MORF4L1: variants seen among roughly 807,000 people sequenced by gnomAD.
MORF4L1 encodes the protein mortality factor 4 like 1.
A neutral mutation model predicts 52.9 loss-of-function variants in MORF4L1; 4 were observed. The ratio of observed to expected loss-of-function variants is 0.08; its 90% CI spans 0.04 to 0.17. MORF4L1 has a LOEUF of 0.17. Ranked by LOEUF, MORF4L1 falls within the 10% of genes least tolerant of loss-of-function variation. The pLI is 1.00. For missense variants in MORF4L1, 214 were observed against 390.4 expected, an observed-to-expected ratio of 0.55 and a Z score of 3.81; for synonymous variants, 123 against 134.8, an observed-to-expected ratio of 0.91 and a Z score of 0.61.
At position 78,886,309 on chromosome 15, in the gene MORF4L1, G is replaced by T. The variant is rs986531533; in HGVS notation, c.242+82G>T. On this transcript the variant is annotated intron_variant, in intron 4 of 11. Coordinates refer to ENST00000426013, the MANE Select transcript of MORF4L1 (RefSeq NM_006791.4). ...ACATGGAATGAACAATGGAGATCAT[G>T]TTGGCTGCCCTGCCTATAAAATGAT... 4.9e-6 allele frequency: 6 copies of T among 1,212,774 alleles called. No homozygotes were observed. In the East Asian group the frequency reaches 7.1e-5, roughly 14 times the overall value. The allele number at this position is 1,212,774 out of a possible 1,614,324, so 75.1% of individuals were successfully genotyped here. A position where few individuals can be genotyped will look rare whatever the true frequency, so the allele number is the denominator to read the frequency against.
chr15:78,895,157 A>G (rs2056866031), intron 11 of MORF4L1, among the ~76,000 whole-genome samples: 1 of 152,244 alleles, frequency 6.6e-6, no homozygotes, highest in Admixed American at 6.5e-5. Flanking sequence ...ACAGTTTGGA[A>G]GAAAACAAAG....
chr15:78,879,204 C>A (rs537448204), intron 2 of MORF4L1, among the ~76,000 whole-genome samples: 1 of 152,238 alleles, frequency 6.6e-6, no homozygotes, highest in South Asian at 2.1e-4. Context: ...GACTCTCTCT[C>A]TCTTTATTTT....
chr15:78,890,834 A>G, intron 5 of MORF4L1, 155 bp from the exon 6 acceptor site: 1 of 643,918 alleles, frequency 1.6e-6, no homozygotes, highest in Non-Finnish European at 2.2e-6. Flanking sequence ...ACCAACTATC[A>G]ATAAAAATCC....
intron 11 of MORF4L1, among the ~76,000 whole-genome samples, chr15:78,896,314 T>C (rs866361417): frequency 0.038 from 4,824 of 128,278 alleles, 132 homozygotes; most frequent in African/African-American, 0.14. Flanking sequence ...TTTTCTTTTT[T>C]TTTTTTTTTT....
intron 4 of MORF4L1, among the ~76,000 whole-genome samples, chr15:78,886,909 C>G (rs1032118837): frequency 6.7e-6 from 1 of 149,466 alleles, no homozygotes; most frequent in African/African-American, 2.5e-5. Flanking sequence ...GAGCGGAGAT[C>G]GCGCCACTGC....
At chr15:78,893,343 T>C (rs1371907455) in intron 8 of MORF4L1, among the ~76,000 whole-genome samples, 196 bp from the exon 9 acceptor site, 1 of 152,144 alleles carries the variant, frequency 6.6e-6, no homozygotes, top group East Asian at 1.9e-4. Flanking sequence ...AGTTGGAAAA[T>C]TAAGTCCAAA....
intron 2 of MORF4L1, 152 bp from the exon 3 acceptor site, chr15:78,880,360 T>G: frequency 1.7e-6 from 1 of 598,288 alleles, no homozygotes; most frequent in East Asian, 3.2e-5. Context: ...ATCTTCAGTT[T>G]TGTAACTTGA....
At chr15:78,894,646 C>A in intron 10 of MORF4L1, 174 bp from the exon 11 acceptor site, 1 of 573,410 alleles carries the variant, frequency 1.7e-6, no homozygotes, top group South Asian at 2.2e-5. Flanking sequence ...TGACCTCAAG[C>A]GATCGCCTAT....
intron 8 of MORF4L1, 77 bp downstream of exon 8, chr15:78,892,390 G>A (rs1956453726): frequency 2.1e-6 from 2 of 943,332 alleles, no homozygotes; most frequent in South Asian, 1.4e-5. Context: ...AAAGGAAAAT[G>A]TTATATTGAC....
In MORF4L1 at chr15:78,892,194, C is replaced by T. The variant is rs552922893; in HGVS notation, c.439-18C>T. 1.3e-6 allele frequency: 2 copies of T among 1,567,518 alleles called. No homozygotes were observed. The highest frequency in any genetic ancestry group is 2.2e-5 in the East Asian group (1 of 44,446). ...CAAGAAAGGTTAGGTTTTTAATACT[C>T]CTCCTGTTTCTGTTTAGGAGGAAAC... On this transcript the variant is annotated intron_variant, in intron 7 of 11. Transcript: ENST00000426013.
intron 6 of MORF4L1, 30 bp downstream of exon 6, chr15:78,891,044 TTA>T (rs762123064): frequency 8.8e-6 from 13 of 1,474,720 alleles, no homozygotes; most frequent in Non-Finnish European, 1.2e-5. Context: ...TAACGTTAAT[TTA>T]TGTTACCTCT....
chr15:78,892,384 GA>G, intron 8 of MORF4L1, 71 bp downstream of exon 8: 1 of 1,035,868 alleles, frequency 9.7e-7, no homozygotes, highest in Non-Finnish European at 1.5e-6. Flanking sequence ...GTTTTTAAAG[GA>G]AAATGTTATA....
chr15:78,883,193 CGACAGA>C (rs2056633616), intron 3 of MORF4L1, among the ~76,000 whole-genome samples: 1 of 133,584 alleles, frequency 7.5e-6, no homozygotes, highest in Admixed American at 8.3e-5. Context: ...CTAGCCTAGG[CGACAGA>C]GTGAGACTCA....
intron 3 of MORF4L1, among the ~76,000 whole-genome samples, chr15:78,881,862 G>C (rs1003966883): frequency 6.6e-6 from 1 of 152,132 alleles, no homozygotes; most frequent in African/African-American, 2.4e-5. Context: ...TTTACTATGG[G>C]ATCAGTGCCA....
At chr15:78,891,227 C>T (rs1414131223) in intron 6 of MORF4L1, 1 of 687,046 alleles carries the variant, frequency 1.5e-6, no homozygotes, top group Non-Finnish European at 2.5e-6. Flanking sequence ...CTGCTTTAGT[C>T]TTAATGTCTC....
In MORF4L1 at chr15:78,891,474, A is replaced by G. The variant is rs1292505579; in HGVS notation, c.350-10A>G. 3 of 1,611,676 alleles carry G rather than the reference A, an allele frequency of 1.9e-6. No homozygotes were observed. The highest frequency in any genetic ancestry group is 1.3e-5 in the African/African-American group (1 of 74,836). ...AGCTAAATGAGACCCCTCCCCGCCA[A>G]CATTTACAGCACCTGGAAATGGAGA... On this transcript the variant is annotated splice_polypyrimidine_tract_variant and intron_variant, in intron 6 of 11. Coordinates refer to ENST00000426013, the MANE Select transcript of MORF4L1 (RefSeq NM_006791.4).
intron 3 of MORF4L1, among the ~76,000 whole-genome samples, chr15:78,882,621 A>C (rs1168970890): frequency 6.6e-6 from 1 of 152,192 alleles, no homozygotes; most frequent in African/African-American, 2.4e-5. Context: ...CAATATCCAG[A>C]TAAAGTTGAG....
Position 78,872,965 on chromosome 15 carries a change from G to A in MORF4L1, c.-53G>A. On this transcript the variant is annotated 5_prime_UTR_variant, in exon 1 of 12. Transcript: ENST00000426013. ...CGGAGTTGGGTGGGGTAGAGAGTAG[G>A]GGGCGGTAGTCGGGGGTGGTGGGAG... 1 of 1,546,320 alleles carries A rather than the reference G, an allele frequency of 6.5e-7. No homozygotes were observed. The highest frequency in any genetic ancestry group is 8.7e-7 in the Non-Finnish European group (1 of 1,145,636).
chr15:78,878,292 C>G, intron 2 of MORF4L1, 33 bp downstream of exon 2: 1 of 1,599,470 alleles, frequency 6.3e-7, no homozygotes, highest in Non-Finnish European at 8.5e-7. Flanking sequence ...AGAAGTTGGC[C>G]AAAACTACTG....
Sources: allele counts gnomAD v4.1 joint callset (sites outside exome capture counted in the v4.1 genomes callset), GRCh38; gene constraint gnomAD v4.1.1; transcripts MANE v1.5; gene names NCBI Gene and HGNC (gene_info 2026-07-23, HGNC 2026-07-21).